IQCM: variants seen among roughly 807,000 people sequenced by gnomAD.
The protein encoded by IQCM is IQ motif containing M, also known as IQ domain-containing protein M.
In IQCM, 45 loss-of-function variants were observed where a neutral mutation model predicts 57.6. The observed-to-expected ratio is 0.78, with a 90% confidence interval of 0.62 to 1.00. The LOEUF is 1.00. IQCM is among the 50% of genes least tolerant of loss of function. The pLI is 0.00. For missense variants in IQCM, 468 were observed against 511.6 expected, an observed-to-expected ratio of 0.91 and a Z score of 0.82; for synonymous variants, 148 against 158.9, an observed-to-expected ratio of 0.93 and a Z score of 0.51.
chr4:149,763,759 G>C (rs1285533297), intron 2 of IQCM, among the ~76,000 whole-genome samples: 1 of 151,980 alleles, frequency 6.6e-6, no homozygotes, highest in Non-Finnish European at 1.5e-5. Flanking sequence ...CAAAACTCAA[G>C]CTCTTAATCT....
At chr4:149,749,586 G>A (rs1035240842) in intron 2 of IQCM, among the ~76,000 whole-genome samples, 7 of 152,034 alleles carry the variant, frequency 4.6e-5, no homozygotes, top group African/African-American at 1.7e-4. Flanking sequence ...TACCTTCCAG[G>A]GGGTAGGCAT....
At chr4:149,603,814 A>T (rs1012293464) in intron 8 of IQCM, among the ~76,000 whole-genome samples, 1 of 152,094 alleles carries the variant, frequency 6.6e-6, no homozygotes, top group Non-Finnish European at 1.5e-5. Context: ...AAATGTAGAC[A>T]ACATCCTAAA....
chr4:149,621,653 T>C (rs1756348587), intron 7 of IQCM, among the ~76,000 whole-genome samples: 1 of 152,174 alleles, frequency 6.6e-6, no homozygotes, highest in Admixed American at 6.5e-5. Context: ...AAATTCAGTA[T>C]TTTATAAGGC....
chr4:149,660,973 A>T (rs1402046731), intron 7 of IQCM, among the ~76,000 whole-genome samples: 1 of 152,142 alleles, frequency 6.6e-6, no homozygotes, highest in Non-Finnish European at 1.5e-5. Context: ...CCTAAAACTT[A>T]AAGTATAATA....
Position 149,352,082 on chromosome 4 carries a change from T to C in IQCM, c.1391-16A>G, listed in dbSNP as rs543941677. On this transcript the variant is annotated splice_polypyrimidine_tract_variant and intron_variant, in intron 13 of 13. Transcript: ENST00000636793. ...TGTCCATTTACTATAATACAAAACA[T>C]ACAGTCACATTAATATATTTTCAAT... 4.5e-5 allele frequency: 18 copies of C among 398,828 alleles called. No homozygotes were observed. The highest frequency in any genetic ancestry group is 6.2e-5 in the Non-Finnish European group (14 of 226,010). 24.7% of individuals were successfully genotyped at this position (398,828 alleles called of 1,614,324 possible). A position where few individuals can be genotyped will look rare whatever the true frequency, so the allele number is the denominator to read the frequency against.
At chr4:149,729,538 G>A (rs1055124706) in intron 5 of IQCM, among the ~76,000 whole-genome samples, 6 of 151,466 alleles carry the variant, frequency 4.0e-5, no homozygotes, top group African/African-American at 9.7e-5. Context: ...GCAGTGGCAC[G>A]ATCTCAGCTC....
At chr4:149,460,716 G>A (rs1249332625) in intron 12 of IQCM, among the ~76,000 whole-genome samples, 1 of 152,082 alleles carries the variant, frequency 6.6e-6, no homozygotes, top group Non-Finnish European at 1.5e-5. Flanking sequence ...ATGATACAAC[G>A]TATGAATTTA....
chr4:149,532,647 T>C (rs1345061964), intron 12 of IQCM, among the ~76,000 whole-genome samples: 1 of 152,092 alleles, frequency 6.6e-6, no homozygotes, highest in Non-Finnish European at 1.5e-5. Context: ...AAGGAAAGTA[T>C]GAAAGATTTT....
chr4:149,422,166 A>G (rs1232753809), intron 13 of IQCM, among the ~76,000 whole-genome samples: 1 of 152,036 alleles, frequency 6.6e-6, no homozygotes, highest in East Asian at 1.9e-4. Context: ...TCTAATAAGT[A>G]TCAGTTTTGT....
intron 7 of IQCM, among the ~76,000 whole-genome samples, chr4:149,637,398 G>C (rs1431036957): frequency 6.6e-6 from 1 of 152,040 alleles, no homozygotes. Context: ...AATTAATAAA[G>C]AGATACACTA....
chr4:149,356,679 G>C (rs1481260607), intron 13 of IQCM, among the ~76,000 whole-genome samples: 1 of 152,160 alleles, frequency 6.6e-6, no homozygotes, highest in African/African-American at 2.4e-5. Context: ...CAGGTAGCAT[G>C]ATGCCTCCAG....
At chr4:149,417,399 G>A (rs775946387) in intron 13 of IQCM, among the ~76,000 whole-genome samples, 2 of 152,066 alleles carry the variant, frequency 1.3e-5, no homozygotes, top group Non-Finnish European at 2.9e-5. Context: ...CGGAAGTGAA[G>A]TACAGTTTAC....
intron 2 of IQCM, among the ~76,000 whole-genome samples, chr4:149,814,114 C>G (rs1774834694): frequency 6.6e-6 from 1 of 151,972 alleles, no homozygotes; most frequent in African/African-American, 2.4e-5. Context: ...TACAGAAAAT[C>G]AGATGGAGCC....
At chr4:149,715,577 T>G (rs941317956) in intron 5 of IQCM, among the ~76,000 whole-genome samples, 1 of 152,086 alleles carries the variant, frequency 6.6e-6, no homozygotes, top group East Asian at 1.9e-4. Context: ...TGCAACACGG[T>G]GAGCAAGGGG....
chr4:149,395,176 A>T (rs1732137081), intron 13 of IQCM, among the ~76,000 whole-genome samples: 1 of 152,038 alleles, frequency 6.6e-6, no homozygotes, highest in Non-Finnish European at 1.5e-5. Context: ...TATAGCTAAC[A>T]TTTGTTTTGA....
At chr4:149,377,823 A>G (rs566037201) in intron 13 of IQCM, among the ~76,000 whole-genome samples, 4 of 152,242 alleles carry the variant, frequency 2.6e-5, no homozygotes, top group African/African-American at 9.6e-5. Flanking sequence ...AGCAAATGCT[A>G]AAAATCCTCA....
intron 7 of IQCM, among the ~76,000 whole-genome samples, chr4:149,660,391 A>T (rs1760069872): frequency 6.6e-6 from 1 of 152,054 alleles, no homozygotes; most frequent in African/African-American, 2.4e-5. Context: ...GTGGGACTGT[A>T]AACTAGTTCT....
intron 5 of IQCM, among the ~76,000 whole-genome samples, chr4:149,709,120 T>C (rs1764372029): frequency 6.6e-6 from 1 of 152,126 alleles, no homozygotes; most frequent in Non-Finnish European, 1.5e-5. Context: ...TAAAGTTTTA[T>C]TAACTCTTTA....
At chr4:149,799,678 C>T (rs1773427966) in intron 2 of IQCM, among the ~76,000 whole-genome samples, 1 of 151,560 alleles carries the variant, frequency 6.6e-6, no homozygotes, top group African/African-American at 2.4e-5. Flanking sequence ...TTCAAAGGAT[C>T]ATCAGTGGCT....
Sources: allele counts gnomAD v4.1 joint callset (sites outside exome capture counted in the v4.1 genomes callset), GRCh38; gene constraint gnomAD v4.1.1; transcripts MANE v1.5; gene names NCBI Gene and HGNC (gene_info 2026-07-23, HGNC 2026-07-21).